ZBBX: variants seen among roughly 807,000 people sequenced by gnomAD.
ZBBX encodes zinc finger B-box domain containing, also known as zinc finger B-box domain-containing protein 1.
A neutral mutation model predicts 108.5 loss-of-function variants in ZBBX; 101 were observed. The ratio of observed to expected loss-of-function variants is 0.93; its 90% confidence interval spans 0.79 to 1.10. The LOEUF is 1.10. Among genes scored for constraint, ZBBX ranks in the 50% least tolerant of loss-of-function variants. ZBBX has a pLI of 0.00. For missense variants in ZBBX, 1,009 were observed against 941.4 expected (o/e 1.07, Z -0.94); for synonymous variants, 356 against 323.4 (o/e 1.10, Z -1.08).
chr3:167,255,182 A>G (rs1406602330), intron 20 of ZBBX, among the ~76,000 whole-genome samples: 2 of 152,094 alleles, frequency 1.3e-5, no homozygotes, highest in Non-Finnish European at 2.9e-5. Flanking sequence ...GTTTAATGAA[A>G]AAAGCTGTGA....
At chr3:167,180,817 C>T in the ZBBX span, among the ~76,000 whole-genome samples, 3 of 152,230 alleles carry the variant, frequency 2.0e-5, no homozygotes, top group South Asian at 6.2e-4. Context: ...TATTAAAGGC[C>T]AATTTTTTGG....
intron 12 of ZBBX, among the ~76,000 whole-genome samples, chr3:167,317,799 A>G (rs1233113039): frequency 6.6e-6 from 1 of 152,078 alleles, no homozygotes; most frequent in Non-Finnish European, 1.5e-5. Flanking sequence ...TCAACTTGAC[A>G]TCACAGAAGA....
chr3:167,202,755 G>T, the ZBBX span, among the ~76,000 whole-genome samples: 2 of 152,196 alleles, frequency 1.3e-5, no homozygotes, highest in Admixed American at 6.6e-5. Context: ...TGTTTCAGTG[G>T]AAAAGGTAAA....
the ZBBX span, among the ~76,000 whole-genome samples, chr3:167,202,281 C>A: frequency 1.3e-5 from 2 of 152,072 alleles, no homozygotes; most frequent in Non-Finnish European, 2.9e-5. Context: ...TGTACAAGGG[C>A]AGAGTACTGA....
At chr3:167,376,377 A>C (rs1319002033) in intron 2 of ZBBX, among the ~76,000 whole-genome samples, 2 of 152,172 alleles carry the variant, frequency 1.3e-5, no homozygotes, top group Non-Finnish European at 2.9e-5. Context: ...TATTCAGGGA[A>C]TCCAAATACT....
At chr3:167,322,591 C>T (rs1736634152) in intron 11 of ZBBX, among the ~76,000 whole-genome samples, 1 of 151,812 alleles carries the variant, frequency 6.6e-6, no homozygotes, top group Non-Finnish European at 1.5e-5. Context: ...AGTGTTATAG[C>T]CACTGACAAT....
chr3:167,186,043 C>G, the ZBBX span, among the ~76,000 whole-genome samples: 2 of 151,964 alleles, frequency 1.3e-5, no homozygotes, highest in South Asian at 4.1e-4. Flanking sequence ...TTCATAAATA[C>G]TATTCATGTT....
intron 9 of ZBBX, among the ~76,000 whole-genome samples, chr3:167,340,511 A>G (rs980165116): frequency 5.3e-5 from 8 of 152,070 alleles, no homozygotes; most frequent in African/African-American, 1.7e-4. Flanking sequence ...TTATTAAAAT[A>G]TGTTTTATAT....
At chr3:167,323,570 C>T (rs111432728) in intron 11 of ZBBX, among the ~76,000 whole-genome samples, 44 of 152,130 alleles carry the variant, frequency 2.9e-4, no homozygotes, top group African/African-American at 8.4e-4. Flanking sequence ...AACAAACTTA[C>T]GGATTTATGA....
At chr3:167,335,662 C>T (rs1369565516) in intron 9 of ZBBX, among the ~76,000 whole-genome samples, 1 of 151,152 alleles carries the variant, frequency 6.6e-6, no homozygotes, top group African/African-American at 2.4e-5. Context: ...GCTAACATTA[C>T]ATTGAAACTT....
At chr3:167,276,532 G>A (rs1727616635) in intron 20 of ZBBX, among the ~76,000 whole-genome samples, 2 of 152,034 alleles carry the variant, frequency 1.3e-5, no homozygotes, top group South Asian at 4.1e-4. Flanking sequence ...AGTGAGAAGG[G>A]AAGTTTAGAG....
downstream of ZBBX, among the ~76,000 whole-genome samples, chr3:167,235,063 A>T (rs1407228498): frequency 2.0e-5 from 3 of 151,780 alleles, no homozygotes; most frequent in Non-Finnish European, 3.0e-5. Flanking sequence ...GTCTACTACC[A>T]GACTTAACTT....
In ZBBX at chr3:167,374,931, C is replaced by G. The variant is rs560969043; in HGVS notation, c.-131-1144G>C. Among the ~76,000 whole-genome samples, 11 of 152,224 alleles carry G rather than the reference C, an allele frequency of 7.2e-5. No individual in the cohort carries two copies. The South Asian group carries it at 2.3e-3, about 32-fold the overall frequency. ...TGGATAAGGGACTAATGAATAGTTA[C>G]ACTTGCTTGGTGTGCAGGTTACGTG... On this transcript the variant is annotated intron_variant, in intron 2 of 21. Transcript: ENST00000675490.
At chr3:167,333,635 G>A (rs1174535057) in intron 10 of ZBBX, among the ~76,000 whole-genome samples, 192 bp downstream of exon 10, 1 of 152,216 alleles carries the variant, frequency 6.6e-6, no homozygotes, top group African/African-American at 2.4e-5. Context: ...GTAGTGTTCA[G>A]TGGAATCAAA....
intron 20 of ZBBX, among the ~76,000 whole-genome samples, chr3:167,276,464 C>T (rs998169942): frequency 1.1e-4 from 16 of 151,710 alleles, no homozygotes; most frequent in Admixed American, 2.0e-4. Context: ...CCTCAGGAGC[C>T]GATGCAATCA....
the ZBBX span, among the ~76,000 whole-genome samples, chr3:167,186,829 G>T: frequency 1.3e-5 from 2 of 152,082 alleles, no homozygotes; most frequent in Non-Finnish European, 2.9e-5. Flanking sequence ...TGAATAGGTC[G>T]CCATAGTCAC....
At position 167,360,728 on chromosome 3, in the gene ZBBX, A is replaced by G; in HGVS notation, c.274-5T>C. On this transcript the variant is annotated splice_region_variant and splice_polypyrimidine_tract_variant and intron_variant, in intron 6 of 21. Coordinates refer to ENST00000675490, the MANE Select transcript of ZBBX (RefSeq NM_001199201.2). The stretch of plus-strand genomic sequence containing the variant: ...TTTCACTTTTCCAGCAGAAAACTGT[A>G]TTAATAAAATAGATACTATTTGTCA... 1 of 1,373,796 alleles carries G rather than the reference A, an allele frequency of 7.3e-7. No homozygotes were observed. Among genetic ancestry groups the G allele is most frequent in the South Asian group, 2.0e-5 (1 of 50,056 alleles). 85.1% of individuals were successfully genotyped at this position (1,373,796 alleles called of 1,614,324 possible). A position where few individuals can be genotyped will look rare whatever the true frequency, so the allele number is the denominator to read the frequency against.
At chr3:167,251,643 T>C (rs1576777659) in intron 20 of ZBBX, among the ~76,000 whole-genome samples, 1 of 152,164 alleles carries the variant, frequency 6.6e-6, no homozygotes, top group African/African-American at 2.4e-5. Context: ...GCACTGTTAA[T>C]TGTGTGTGTG....
chr3:167,400,498 T>C (rs1748392954), intron 1 of ZBBX, among the ~76,000 whole-genome samples: 1 of 152,192 alleles, frequency 6.6e-6, no homozygotes, highest in Non-Finnish European at 1.5e-5. Flanking sequence ...GCCACTTGTA[T>C]GTCTTGAATT....
Sources: allele counts gnomAD v4.1 joint callset (sites outside exome capture counted in the v4.1 genomes callset), GRCh38; gene constraint gnomAD v4.1.1; transcripts MANE v1.5; gene names NCBI Gene and HGNC (gene_info 2026-07-23, HGNC 2026-07-21).